TAFA1: variants seen among roughly 807,000 people sequenced by gnomAD.
The protein encoded by TAFA1 is TAFA chemokine like family member 1, also known as chemokine-like protein TAFA-1.
A neutral mutation model predicts 18.5 loss-of-function variants in TAFA1; 4 were observed. That is an observed-to-expected ratio of 0.22 (90% CI 0.11 to 0.49). The LOEUF (loss-of-function observed/expected upper bound fraction) is 0.49, where lower values mean the gene tolerates loss of function less well. Ranked by LOEUF, TAFA1 falls within the 20% of genes least tolerant of loss-of-function variation. The pLI is 0.98. For synonymous variants in TAFA1, 56 were observed against 55.2 expected (o/e 1.01, Z -0.06); for missense variants, 147 against 169.0 (o/e 0.87, Z 0.72).
chr3:68,441,560 C>A (rs986344207), intron 3 of TAFA1, among the ~76,000 whole-genome samples: 15 of 152,260 alleles, frequency 9.9e-5, no homozygotes, highest in African/African-American at 3.6e-4. Context: ...TCTGACCCAT[C>A]TAGCCATAAA....
chr3:68,006,494 A>C, intron 1 of TAFA1, 130 bp from the exon 2 acceptor site: 1 of 676,132 alleles, frequency 1.5e-6, no homozygotes, highest in Non-Finnish European at 2.7e-6. Flanking sequence ...CCTCTGCTGG[A>C]TCATTAGTTC....
chr3:68,222,522 A>G (rs552076893), intron 2 of TAFA1, among the ~76,000 whole-genome samples: 1 of 152,250 alleles, frequency 6.6e-6, no homozygotes, highest in South Asian at 2.1e-4. Flanking sequence ...TATTTGATCA[A>G]TAAATTTGGT....
chr3:68,458,944 A>G, intron 3 of TAFA1, among the ~76,000 whole-genome samples: 1 of 152,194 alleles, frequency 6.6e-6, no homozygotes. Flanking sequence ...CGACTTCAGG[A>G]TCAACATCTG....
intron 4 of TAFA1, among the ~76,000 whole-genome samples, chr3:68,540,282 C>T (rs1408746372): frequency 6.6e-6 from 1 of 152,040 alleles, no homozygotes; most frequent in South Asian, 2.1e-4. Context: ...CTCTGAACCA[C>T]CCTAGCTTGC....
intron 3 of TAFA1, among the ~76,000 whole-genome samples, chr3:68,445,356 C>G (rs908500263): frequency 1.3e-5 from 2 of 152,074 alleles, no homozygotes; most frequent in Non-Finnish European, 2.9e-5. Context: ...AGTGGTAGGA[C>G]GTGCACTTTT....
intron 2 of TAFA1, among the ~76,000 whole-genome samples, chr3:68,027,734 C>T (rs112607225): frequency 8.5e-5 from 13 of 152,272 alleles, no homozygotes; most frequent in African/African-American, 3.1e-4. Context: ...AATCTTCCTT[C>T]CATCTTCTTG....
intron 2 of TAFA1, among the ~76,000 whole-genome samples, chr3:68,238,991 C>G (rs1015759478): frequency 2.0e-5 from 3 of 152,066 alleles, no homozygotes; most frequent in African/African-American, 7.2e-5. Context: ...TTTACTTGGG[C>G]TAATTTCTAA....
At chr3:68,226,802 C>G (rs1305742386) in intron 2 of TAFA1, among the ~76,000 whole-genome samples, 1 of 152,266 alleles carries the variant, frequency 6.6e-6, no homozygotes, top group East Asian at 1.9e-4. Context: ...GTTCTCAGAG[C>G]CTGGTCACTT....
At chr3:68,069,868 A>G (rs1559725081) in intron 2 of TAFA1, among the ~76,000 whole-genome samples, 1 of 152,236 alleles carries the variant, frequency 6.6e-6, no homozygotes, top group African/African-American at 2.4e-5. Flanking sequence ...CATGTCTCAC[A>G]TCGAGGTCAC....
intron 2 of TAFA1, among the ~76,000 whole-genome samples, chr3:68,354,654 A>G (rs1173231391): frequency 6.6e-6 from 1 of 152,072 alleles, no homozygotes; most frequent in Non-Finnish European, 1.5e-5. Context: ...TAGGTAATTA[A>G]TAAAGAACAA....
intron 2 of TAFA1, among the ~76,000 whole-genome samples, chr3:68,398,553 T>G (rs2070429721): frequency 6.6e-6 from 1 of 152,304 alleles, no homozygotes; most frequent in African/African-American, 2.4e-5. Flanking sequence ...GCAGTAGAAG[T>G]GGAGTATAAA....
chr3:68,129,485 T>A (rs1290919683), intron 2 of TAFA1, among the ~76,000 whole-genome samples: 1 of 152,180 alleles, frequency 6.6e-6, no homozygotes, highest in Admixed American at 6.5e-5. Context: ...ACAGGTTTCT[T>A]GTGTAGGTTA....
At chr3:68,336,166 T>C (rs1022318945) in intron 2 of TAFA1, among the ~76,000 whole-genome samples, 3 of 152,208 alleles carry the variant, frequency 2.0e-5, no homozygotes, top group Non-Finnish European at 4.4e-5. Flanking sequence ...CTAGTTGTTG[T>C]GGGGATTAGA....
At chr3:68,116,409 T>C (rs910240460) in intron 2 of TAFA1, among the ~76,000 whole-genome samples, 5 of 152,356 alleles carry the variant, frequency 3.3e-5, no homozygotes, top group Admixed American at 6.5e-5. Flanking sequence ...ACGCTACTTA[T>C]AATGCACATA....
At chr3:68,476,544 GAATA>G (rs1180859249) in intron 3 of TAFA1, among the ~76,000 whole-genome samples, 3 of 152,086 alleles carry the variant, frequency 2.0e-5, no homozygotes, top group East Asian at 3.9e-4. Flanking sequence ...AATAATGAAT[GAATA>G]GTTTCACATG....
intron 2 of TAFA1, among the ~76,000 whole-genome samples, chr3:68,360,163 T>C (rs2069443160): frequency 1.3e-5 from 2 of 151,976 alleles, no homozygotes; most frequent in African/African-American, 2.4e-5. Context: ...CTCCTCATGC[T>C]AAATGTCGTG....
chr3:68,219,349 A>G (rs1434610457), intron 2 of TAFA1, among the ~76,000 whole-genome samples: 1 of 152,166 alleles, frequency 6.6e-6, no homozygotes, highest in Non-Finnish European at 1.5e-5. Context: ...ACTAATATAG[A>G]CATTATTGAA....
chr3:68,081,776 G>A (rs2064904039), intron 2 of TAFA1, among the ~76,000 whole-genome samples: 1 of 152,196 alleles, frequency 6.6e-6, no homozygotes, highest in Admixed American at 6.5e-5. Context: ...GTTTGTCTTT[G>A]CCCTGCCCCT....
intron 2 of TAFA1, among the ~76,000 whole-genome samples, chr3:68,351,448 C>A (rs548539315): frequency 1.1e-3 from 169 of 152,030 alleles, no homozygotes; most frequent in African/African-American, 4.0e-3. Context: ...TTTCTTCAAC[C>A]CCCATAGGTT....
Sources: allele counts gnomAD v4.1 joint callset (sites outside exome capture counted in the v4.1 genomes callset), GRCh38; gene constraint gnomAD v4.1.1; transcripts MANE v1.5; gene names NCBI Gene and HGNC (gene_info 2026-07-23, HGNC 2026-07-21).